VPS37B: variants seen among roughly 807,000 people sequenced by gnomAD.
The protein encoded by VPS37B is VPS37B subunit of ESCRT-I, also known as vacuolar protein sorting-associated protein 37B.
Under a neutral mutation model 21.2 loss-of-function variants are expected in VPS37B, and 11 were observed. That is an observed-to-expected ratio of 0.52 (90% confidence interval 0.33 to 0.86). The LOEUF (loss-of-function observed/expected upper bound fraction) is 0.86, where lower values mean the gene tolerates loss of function less well. VPS37B is among the 40% of genes least tolerant of loss of function. The pLI is 0.03. For synonymous variants in VPS37B, 175 were observed against 159.6 expected, an observed-to-expected ratio of 1.10 and a Z score of -0.73; for missense variants, 389 against 374.8, an observed-to-expected ratio of 1.04 and a Z score of -0.31.
In VPS37B at chr12:122,868,383, T is replaced by C; in HGVS notation, c.366+97A>G. The C allele has an allele frequency of 3.5e-6, 4 of 1,142,562 alleles. No individual in the cohort carries two copies. The highest frequency in any genetic ancestry group is 1.3e-5 in the South Asian group (1 of 75,114). 70.8% of individuals were successfully genotyped at this position (1,142,562 alleles called of 1,614,324 possible). Reference sequence around the variant, plus strand: ...CCGTACACCTGGGAGGCACCACTCCTGGCCGTGGCGGTGTGGCACTCACGG... The same window carrying C: ...CCGTACACCTGGGAGGCACCACTCCCGGCCGTGGCGGTGTGGCACTCACGG... On this transcript the variant is annotated intron_variant, in intron 3 of 3. Transcript: ENST00000267202. This position sits in a 1 kb window ranked among gnomAD's most constrained non-coding sequence, Gnocchi z 5.5.
At chr12:122,893,053 CT>C (rs2034439427) in intron 1 of VPS37B, among the ~76,000 whole-genome samples, 1 of 92,426 alleles carries the variant, frequency 1.1e-5, no homozygotes, top group African/African-American at 4.6e-5. Context: ...GAGCAAGATC[CT>C]TTCTCAAAAA....
Position 122,868,947 on chromosome 12 carries a change from C to T in VPS37B, c.284-385G>A, listed in dbSNP as rs1164292198. On this transcript the variant is annotated intron_variant, in intron 2 of 3. Coordinates refer to ENST00000267202, the MANE Select transcript of VPS37B (RefSeq NM_024667.3). The surrounding 1 kb of genome is among the most constrained non-coding windows in gnomAD (Gnocchi z 5.5). ...CCAGACACAGAACCTTTCCACCGGG[C>T]GCCCTCACGCCCACTGCACCCGCCA... 2.6e-5 allele frequency among the ~76,000 whole-genome samples: 4 copies of T among 152,144 alleles called. No individual in the cohort carries two copies. Among genetic ancestry groups the T allele is most frequent in the Admixed American group, 6.5e-5 (1 of 15,274 alleles).
chr12:122,869,087 G>A (rs1055858271), intron 2 of VPS37B, among the ~76,000 whole-genome samples: 37 of 152,296 alleles, frequency 2.4e-4, no homozygotes, highest in South Asian at 6.2e-4. Flanking sequence ...ACTCAGCACC[G>A]CGTCTCTGAG....
chr12:122,883,872 T>A (rs10744434), intron 1 of VPS37B: 121,194 of 152,160 alleles, frequency 0.8, 49,351 homozygotes, highest in Middle Eastern at 0.9. Context: ...TAAAGAAATA[T>A]ACTAACAGGT....
At chr12:122,871,253 C>G in intron 1 of VPS37B, 192 bp from the exon 2 acceptor site, 1 of 1,353,588 alleles carries the variant, frequency 7.4e-7, no homozygotes, top group Non-Finnish European at 9.5e-7. Flanking sequence ...AGCTGCTGCC[C>G]GTCGTAAAGA....
chr12:122,875,223 A>ATTTTTTTTTTTTTTTTTTTT (rs34993068), intron 1 of VPS37B: 2 of 95,998 alleles, frequency 2.1e-5, no homozygotes, highest in Non-Finnish European at 4.0e-5. Flanking sequence ...CACCTGGCTA[A>ATTTTTTTTTTTTTTTTTTTT]TTTTTTTTTT....
At chr12:122,882,486 GT>G (rs2034259587) in intron 1 of VPS37B, 1 of 152,066 alleles carries the variant, frequency 6.6e-6, no homozygotes, top group African/African-American at 2.4e-5. Flanking sequence ...TAAATTCAAA[GT>G]TATCTATAAC....
At chr12:122,883,662 T>C (rs1404401847) in intron 1 of VPS37B, 4 of 152,144 alleles carry the variant, frequency 2.6e-5, no homozygotes, top group Non-Finnish European at 5.9e-5. Context: ...GTATTTTTAG[T>C]AGAGATGGGG....
At chr12:122,872,158 CCA>C in intron 1 of VPS37B, 11 of 985,512 alleles carry the variant, frequency 1.1e-5, no homozygotes, top group Non-Finnish European at 1.2e-5. Context: ...CTCCCCACCC[CCA>C]GTCATACCCG....
At chr12:122,883,324 G>A (rs1021490089) in intron 1 of VPS37B, 2 of 152,152 alleles carry the variant, frequency 1.3e-5, no homozygotes, top group African/African-American at 4.8e-5. Flanking sequence ...CTAAAAATTG[G>A]TACGTGTGAG....
chr12:122,877,073 A>G (rs1420195576), intron 1 of VPS37B: 3 of 152,214 alleles, frequency 2.0e-5, no homozygotes, highest in Non-Finnish European at 2.9e-5. Flanking sequence ...ATCTGCCCAC[A>G]TTTCCAAGCT....
At position 122,865,605 on chromosome 12, in the gene VPS37B, T is replaced by C. The variant is rs2033882042; in HGVS notation, c.*1511A>G. On this transcript the variant is annotated 3_prime_UTR_variant, in exon 4 of 4. Coordinates refer to ENST00000267202, the MANE Select transcript of VPS37B (RefSeq NM_024667.3). ...AGTGAATCGTCCTGTACAGCTTCAT[T>C]TCCTTTAAGAAAACAGTTACAGTAG... 3.7e-5 allele frequency: 2 copies of C among 53,672 alleles called. No homozygotes were observed. Among genetic ancestry groups the C allele is most frequent in the Admixed American group, 6.4e-4 (2 of 3,116 alleles). The allele number at this position is 53,672 out of a possible 1,614,324, so 3.3% of individuals were successfully genotyped here. A position where few individuals can be genotyped will look rare whatever the true frequency, so the allele number is the denominator to read the frequency against.
At chr12:122,871,561 A>C in intron 1 of VPS37B, 1 of 985,710 alleles carries the variant, frequency 1.0e-6, no homozygotes, top group Non-Finnish European at 1.2e-6. Context: ...CTGGGAAGGA[A>C]CTGTGTTTCC....
At chr12:122,893,804 T>A (rs192525462) in intron 1 of VPS37B, among the ~76,000 whole-genome samples, 3 of 139,830 alleles carry the variant, frequency 2.1e-5, no homozygotes, top group Admixed American at 1.5e-4. Flanking sequence ...GGTATTCAGG[T>A]ATGAAGGTCA....
intron 1 of VPS37B, chr12:122,882,123 T>C (rs975455450): frequency 6.6e-6 from 1 of 152,198 alleles, no homozygotes; most frequent in African/African-American, 2.4e-5. Context: ...TAAAAAACTT[T>C]TTGCCTCATC....
Position 122,871,024 on chromosome 12 carries a change from G to C in VPS37B, c.149C>G (p.Ala50Gly), listed in dbSNP as rs1269190248. Residue 50 changes from alanine to glycine, a missense_variant, in exon 2 of 4, where the codon GCC (alanine) becomes GGC (glycine). By Grantham distance (60) the Ala-to-Gly change is moderately conservative. Coordinates refer to ENST00000267202, the MANE Select transcript of VPS37B (RefSeq NM_024667.3). ...NVQLNKEMTL[A>G]SNRSLAEGNL... is the part of the protein sequence containing the mutation. ...TCCTTCTGCCAGGCTCCGGTTGCTG[G>C]CAAGTGTCATTTCTTTGTTAAGCTG... 1 of 1,614,164 alleles carries C rather than the reference G, an allele frequency of 6.2e-7. No individual in the cohort carries two copies. Among genetic ancestry groups the C allele is most frequent in the Admixed American group, 1.7e-5 (1 of 60,022 alleles).
At position 122,867,699 on chromosome 12, in the gene VPS37B, G is replaced by A. The variant is rs1022706286; in HGVS notation, c.367-92C>T. Reference sequence around the variant, plus strand: ...GCACAAGGAGAGGCAACGCCCAGCTGCTTCCAACACTGCCCCCTCCCTGTA... The same window carrying A: ...GCACAAGGAGAGGCAACGCCCAGCTACTTCCAACACTGCCCCCTCCCTGTA... On this transcript the variant is annotated intron_variant, in intron 3 of 3. Coordinates refer to ENST00000267202, the MANE Select transcript of VPS37B (RefSeq NM_024667.3). This position sits in a 1 kb window ranked among gnomAD's most constrained non-coding sequence, Gnocchi z 5.5. The A allele has an allele frequency of 5.8e-6, 9 of 1,552,542 alleles. No individual in the cohort carries two copies. Among genetic ancestry groups the A allele is most frequent in the South Asian group, 3.4e-5 (3 of 88,970 alleles).
chr12:122,885,298 G>A (rs1268182102), intron 1 of VPS37B: 1 of 151,468 alleles, frequency 6.6e-6, no homozygotes, highest in Non-Finnish European at 1.5e-5. Flanking sequence ...TAACGTATTT[G>A]TTTTAAACAG....
rs2033881789 is a variant in VPS37B at position 122,865,591 on chromosome 12, C to G, written c.*1525G>C. 1 of 110,956 alleles carries G rather than the reference C, an allele frequency of 9.0e-6. No homozygotes were observed. The highest frequency in any genetic ancestry group is 3.0e-4 in the South Asian group (1 of 3,350). The allele number at this position is 110,956 out of a possible 1,614,324, so 6.9% of individuals were successfully genotyped here. ...CTGACTGGCATGGCAGTGAATCGTCCTGTACAGCTTCATTTCCTTTAAGAA... is the reference window on the plus strand; with the variant it reads ...CTGACTGGCATGGCAGTGAATCGTCGTGTACAGCTTCATTTCCTTTAAGAA... On this transcript the variant is annotated 3_prime_UTR_variant, in exon 4 of 4. Coordinates refer to ENST00000267202, the MANE Select transcript of VPS37B (RefSeq NM_024667.3).
Sources: allele counts gnomAD v4.1 joint callset (sites outside exome capture counted in the v4.1 genomes callset), GRCh38; gene constraint gnomAD v4.1.1; non-coding constraint Gnocchi (gnomAD v3.1); transcripts MANE v1.5; gene names NCBI Gene and HGNC (gene_info 2026-07-23, HGNC 2026-07-21).